The following ODAD2 variants were observed in gnomAD, a reference collection of about 807,000 sequenced individuals.
ODAD2 encodes the protein outer dynein arm docking complex subunit 2.
Under a neutral mutation model 106.8 loss-of-function variants are expected in ODAD2, and 89 were observed. That is an observed-to-expected ratio of 0.83 (90% CI 0.70 to 0.99). The LOEUF is 0.99. Among genes scored for constraint, ODAD2 ranks in the 50% least tolerant of loss-of-function variants. ODAD2 has a pLI of 0.00. For synonymous variants in ODAD2, 404 were observed against 436.2 expected (o/e 0.93, Z 0.92); for missense variants, 1,168 against 1,238.5 (o/e 0.94, Z 0.85).
chr10:27,870,948 C>T (rs1255021023), intron 17 of ODAD2, among the ~76,000 whole-genome samples: 6 of 152,250 alleles, frequency 3.9e-5, no homozygotes, highest in African/African-American at 1.2e-4. Flanking sequence ...CCACAATGGT[C>T]GAACCAGTTT....
intron 17 of ODAD2, among the ~76,000 whole-genome samples, chr10:27,891,115 T>C (rs1238322998): frequency 2.6e-5 from 4 of 152,156 alleles, no homozygotes; most frequent in South Asian, 2.1e-4. Context: ...GCATGGACCG[T>C]TGGGCAGCTG....
At chr10:27,814,360 C>T (rs192325255) in intron 19 of ODAD2, among the ~76,000 whole-genome samples, 29 of 152,274 alleles carry the variant, frequency 1.9e-4, no homozygotes, top group African/African-American at 6.3e-4. Context: ...CCTTCCCACC[C>T]GGCTGTCTCA....
chr10:27,817,850 T>C (rs1564392191), intron 19 of ODAD2, among the ~76,000 whole-genome samples: 1 of 152,092 alleles, frequency 6.6e-6, no homozygotes, highest in Non-Finnish European at 1.5e-5. Context: ...TAGGTATATA[T>C]CCAGTAGGGG....
chr10:27,866,752 T>C (rs1277574102), intron 17 of ODAD2, among the ~76,000 whole-genome samples: 1 of 152,030 alleles, frequency 6.6e-6, no homozygotes, highest in Non-Finnish European at 1.5e-5. Flanking sequence ...CAATCAGTTC[T>C]GGTGGGAACT....
At chr10:27,853,025 A>G (rs1839391195) in intron 19 of ODAD2, among the ~76,000 whole-genome samples, 1 of 151,604 alleles carries the variant, frequency 6.6e-6, no homozygotes, top group Non-Finnish European at 1.5e-5. Flanking sequence ...AAATAGTGTA[A>G]CCACTTCCCC....
intron 17 of ODAD2, among the ~76,000 whole-genome samples, chr10:27,899,001 A>G (rs550689773): frequency 8.5e-5 from 13 of 152,278 alleles, no homozygotes; most frequent in African/African-American, 3.1e-4. Flanking sequence ...ATATAAAAAT[A>G]TTCAACAAGA....
At chr10:27,997,282 G>T (rs1588682642) in intron 1 of ODAD2, among the ~76,000 whole-genome samples, 2 of 152,274 alleles carry the variant, frequency 1.3e-5, no homozygotes, top group East Asian at 3.9e-4. Context: ...CCATTGTTGT[G>T]TAAAATAAGT....
chr10:27,852,662 C>T (rs796218912), intron 19 of ODAD2, among the ~76,000 whole-genome samples: 1 of 152,130 alleles, frequency 6.6e-6, no homozygotes, highest in South Asian at 2.1e-4. Flanking sequence ...CAAGATGGTA[C>T]ATTTAAAGCT....
In ODAD2 at chr10:27,995,071, G is replaced by T; in HGVS notation, c.72C>A (p.Thr24=). 6.2e-7 allele frequency: 1 copy of T among 1,614,060 alleles called. No homozygotes were observed. The change falls in exon 2 of 20, where the codon ACC becomes ACA. Residue 24 remains threonine (T), a synonymous_variant. Coordinates refer to ENST00000305242, the MANE Select transcript of ODAD2 (RefSeq NM_018076.5). The stretch of plus-strand genomic sequence containing the variant: ...CTTTCAATATCGCTTCATTTAGAGG[G>T]GTGATTTCGAGGATTCCAGTTCCAT... The part of the protein sequence containing the change: ...AGHGTGILEI[T]PLNEAILKEI...
At chr10:27,841,515 C>T (rs997825701) in intron 19 of ODAD2, among the ~76,000 whole-genome samples, 17 of 152,132 alleles carry the variant, frequency 1.1e-4, no homozygotes, top group African/African-American at 3.9e-4. Flanking sequence ...CCTGCTTCGG[C>T]CTCCTGAGTA....
intron 16 of ODAD2, among the ~76,000 whole-genome samples, chr10:27,915,561 T>G (rs1297689260): frequency 6.6e-6 from 1 of 152,108 alleles, no homozygotes; most frequent in Non-Finnish European, 1.5e-5. Context: ...CATCTAAATG[T>G]GAGGGAACAG....
At position 27,844,962 on chromosome 10, in the gene ODAD2, C is replaced by T. The variant is rs117373849; in HGVS notation, c.3021+15663G>A. Among the ~76,000 whole-genome samples the T allele has an allele frequency of 9.9e-4, 150 of 152,222 alleles. 2 individuals carry two copies. In the East Asian group the frequency reaches 0.023, roughly 24 times the overall value. On this transcript the variant is annotated intron_variant, in intron 19 of 19. Transcript: ENST00000305242. ...AGACAAGCAGTCTATTAGCTCAGCC[C>T]CTTCTAGGCACATTCAATTTTTCCC...
intron 17 of ODAD2, among the ~76,000 whole-genome samples, chr10:27,881,153 C>G (rs1360135719): frequency 6.6e-6 from 1 of 152,140 alleles, no homozygotes; most frequent in Non-Finnish European, 1.5e-5. Context: ...AGCAAGATGT[C>G]TGGTATATGA....
chr10:27,993,344 CA>C (rs1483534202), intron 2 of ODAD2, among the ~76,000 whole-genome samples: 2 of 152,124 alleles, frequency 1.3e-5, no homozygotes, highest in Non-Finnish European at 2.9e-5. Context: ...AAATAAAATG[CA>C]CCATTAGAAA....
chr10:27,968,042 T>G (rs1219701934), intron 9 of ODAD2, among the ~76,000 whole-genome samples: 2 of 145,532 alleles, frequency 1.4e-5, no homozygotes, highest in Admixed American at 7.0e-5. Context: ...ATCAAGGTGA[T>G]GAAGAAGTAT....
At chr10:27,839,734 G>A (rs1838173561) in intron 19 of ODAD2, among the ~76,000 whole-genome samples, 1 of 152,178 alleles carries the variant, frequency 6.6e-6, no homozygotes, top group Non-Finnish European at 1.5e-5. Context: ...AATTTGCCAA[G>A]TTTAAAATCC....
At position 27,971,104 on chromosome 10, in the gene ODAD2, A is replaced by G; in HGVS notation, c.1142+4T>C. 1 of 1,609,232 alleles carries G rather than the reference A, an allele frequency of 6.2e-7. No individual in the cohort carries two copies. Among genetic ancestry groups the G allele is most frequent in the African/African-American group, 1.3e-5 (1 of 74,940 alleles). ...TCTGAAAACAAATGCAAATATCTAC[A>G]TACCCTTTGTAATTAACAGTGGTCT... On this transcript the variant is annotated splice_donor_region_variant and intron_variant, in intron 8 of 19. Transcript: ENST00000305242.
At chr10:27,953,950 G>A (rs1384309386) in intron 10 of ODAD2, among the ~76,000 whole-genome samples, 1 of 152,154 alleles carries the variant, frequency 6.6e-6, no homozygotes, top group Non-Finnish European at 1.5e-5. Flanking sequence ...CAAGAGCTGG[G>A]AAGAACCACA....
intron 17 of ODAD2, among the ~76,000 whole-genome samples, chr10:27,895,867 C>G (rs1294378842): frequency 4.6e-5 from 7 of 152,138 alleles, no homozygotes; most frequent in African/African-American, 1.7e-4. Context: ...CCTGAAGTAC[C>G]CTTCTGCCTT....
Sources: gnomAD v4.1 joint callset for allele counts (sites outside exome capture counted in the v4.1 genomes callset) on GRCh38, gnomAD v4.1.1 for gene constraint, MANE v1.5 for transcripts, NCBI Gene and HGNC (gene_info 2026-07-23, HGNC 2026-07-21) for gene names.